FOXP2: variants seen among roughly 807,000 people sequenced by gnomAD.
FOXP2 encodes forkhead box protein P2.
FOXP2 carries 12 observed loss-of-function variants against 115.8 expected under a neutral mutation model. The ratio of observed to expected loss-of-function variants is 0.10; its 90% CI spans 0.07 to 0.17. The LOEUF (loss-of-function observed/expected upper bound fraction) is 0.17. Among genes scored for constraint, FOXP2 ranks in the 10% least tolerant of loss-of-function variants. The pLI is 1.00. For synonymous variants in FOXP2, 328 were observed against 297.7 expected (o/e 1.10, Z -1.05); for missense variants, 629 against 843.5 (o/e 0.75, Z 3.15).
chr7:114,437,360 C>T (rs867380037), intron 2 of FOXP2, among the ~76,000 whole-genome samples: 34 of 152,298 alleles, frequency 2.2e-4, no homozygotes, highest in South Asian at 6.2e-4. Context: ...TTCCCAAAGT[C>T]TTCCAAGTGT....
At chr7:114,561,519 C>G (rs1350408681) in intron 3 of FOXP2, 2 of 152,070 alleles carry the variant, frequency 1.3e-5, no homozygotes, top group African/African-American at 4.8e-5. Context: ...GTCTAAACTA[C>G]TCTTTTAATT....
chr7:114,455,592 C>G (rs1795281821), intron 2 of FOXP2, among the ~76,000 whole-genome samples: 1 of 152,162 alleles, frequency 6.6e-6, no homozygotes, highest in Admixed American at 6.5e-5. Flanking sequence ...ACCCTCCTCT[C>G]TATATCCCCT....
chr7:114,538,029 T>C (rs73716907), intron 3 of FOXP2, among the ~76,000 whole-genome samples: 4,639 of 151,708 alleles, frequency 0.031, 189 homozygotes, highest in African/African-American at 0.092. Flanking sequence ...CTCCTAGCAC[T>C]TCCTAGACTT....
intron 1 of FOXP2, among the ~76,000 whole-genome samples, chr7:114,211,569 C>G (rs959938596): frequency 3.9e-5 from 6 of 152,178 alleles, no homozygotes; most frequent in African/African-American, 1.4e-4. Flanking sequence ...TTCACTTGCC[C>G]CGTTCACATT....
intron 2 of FOXP2, among the ~76,000 whole-genome samples, chr7:114,501,349 G>A (rs1230414910): frequency 6.6e-6 from 1 of 151,906 alleles, no homozygotes; most frequent in Non-Finnish European, 1.5e-5. Flanking sequence ...ACTCCAGTGC[G>A]GTTTTCATTT....
chr7:114,299,976 G>A lies in FOXP2; in HGVS notation c.-11+11867G>A, dbSNP rs149137215. On this transcript the variant is annotated intron_variant, in intron 2 of 17. Transcript: ENST00000634411. ...CATAGATATTCCTTGCAATTTCTGT[G>A]ACATTTTCTTACAGGAAGGCTTATT... Among the ~76,000 whole-genome samples, 4 of 152,060 alleles carry A rather than the reference G, an allele frequency of 2.6e-5. No individual in the cohort carries two copies. In the East Asian group the frequency reaches 7.7e-4, roughly 29 times the overall value.
chr7:114,305,475 G>A (rs1474221899), intron 2 of FOXP2, among the ~76,000 whole-genome samples: 1 of 152,110 alleles, frequency 6.6e-6, no homozygotes, highest in Non-Finnish European at 1.5e-5. Context: ...AAATACAGAG[G>A]TAGAGTTCTT....
At chr7:114,627,209 A>T in intron 3 of FOXP2, among the ~76,000 whole-genome samples, 1 of 151,564 alleles carries the variant, frequency 6.6e-6, no homozygotes, top group East Asian at 1.9e-4. Context: ...TCCATAACAT[A>T]AAGTGCCACA....
At chr7:114,599,483 G>A (rs889588652) in intron 3 of FOXP2, among the ~76,000 whole-genome samples, 2 of 151,986 alleles carry the variant, frequency 1.3e-5, no homozygotes, top group Non-Finnish European at 2.9e-5. Context: ...TTTCTTTGTG[G>A]GGACGTTTCT....
intron 2 of FOXP2, among the ~76,000 whole-genome samples, chr7:114,381,888 G>A (rs1378863539): frequency 6.6e-6 from 1 of 152,074 alleles, no homozygotes; most frequent in Admixed American, 6.6e-5. Context: ...GAATCCTTTA[G>A]TTTAACTTGA....
At chr7:114,550,329 G>A (rs1431687464) in intron 3 of FOXP2, among the ~76,000 whole-genome samples, 2 of 151,990 alleles carry the variant, frequency 1.3e-5, no homozygotes, top group African/African-American at 4.8e-5. Context: ...TGTTAGCCAG[G>A]ATGGTCTCGA....
chr7:114,327,581 A>G (rs974098727), intron 2 of FOXP2, among the ~76,000 whole-genome samples: 2 of 151,654 alleles, frequency 1.3e-5, no homozygotes, highest in African/African-American at 4.8e-5. Context: ...GGCTCACCAC[A>G]ACCTCTGCCT....
At chr7:114,660,926 A>G (rs1806825079) in intron 13 of FOXP2, among the ~76,000 whole-genome samples, 1 of 152,102 alleles carries the variant, frequency 6.6e-6, no homozygotes, top group African/African-American at 2.4e-5. Context: ...ATTAGTTCTA[A>G]CTATATCGCA....
At chr7:114,151,342 G>C (rs1386912207) in intron 1 of FOXP2, among the ~76,000 whole-genome samples, 1 of 151,966 alleles carries the variant, frequency 6.6e-6, no homozygotes, top group Non-Finnish European at 1.5e-5. Context: ...AGCATAAGTA[G>C]TTATATTTCA....
chr7:114,512,710 A>T (rs1361022288), intron 2 of FOXP2, among the ~76,000 whole-genome samples: 1 of 152,178 alleles, frequency 6.6e-6, no homozygotes, highest in East Asian at 1.9e-4. Flanking sequence ...TTTTGTTTTT[A>T]TGCATACACT....
intron 2 of FOXP2, among the ~76,000 whole-genome samples, chr7:114,348,443 C>T (rs1350965523): frequency 1.3e-5 from 2 of 151,986 alleles, no homozygotes; most frequent in Non-Finnish European, 2.9e-5. Context: ...AAATTCGTCT[C>T]CCATAGATTT....
intron 1 of FOXP2, among the ~76,000 whole-genome samples, chr7:114,266,088 A>G (rs975066924): frequency 6.6e-6 from 1 of 152,038 alleles, no homozygotes; most frequent in Non-Finnish European, 1.5e-5. Flanking sequence ...AAAAACAAAA[A>G]ACTGGACCTA....
intron 2 of FOXP2, among the ~76,000 whole-genome samples, chr7:114,442,305 G>A (rs889843696): frequency 6.6e-6 from 1 of 151,722 alleles, no homozygotes; most frequent in African/African-American, 2.4e-5. Flanking sequence ...GTTACCTGGG[G>A]CCGGAGGTAA....
chr7:114,349,527 T>A (rs1791428202), intron 2 of FOXP2, among the ~76,000 whole-genome samples: 2 of 152,118 alleles, frequency 1.3e-5, no homozygotes, highest in Non-Finnish European at 2.9e-5. Flanking sequence ...TATTTCTATT[T>A]GGCAGTAGAT....
Sources: allele counts gnomAD v4.1 joint callset (sites outside exome capture counted in the v4.1 genomes callset), GRCh38; gene constraint gnomAD v4.1.1; transcripts MANE v1.5; gene names NCBI Gene and HGNC (gene_info 2026-07-23, HGNC 2026-07-21).